The following NRDC variants were observed in gnomAD, a reference collection of about 807,000 sequenced individuals.
NRDC encodes nardilysin.
Under a neutral mutation model 147.1 loss-of-function variants are expected in NRDC, and 54 were observed. The ratio of observed to expected loss-of-function variants is 0.37; its 90% CI spans 0.29 to 0.46. NRDC has a LOEUF of 0.46. Ranked by LOEUF, NRDC falls within the 20% of genes least tolerant of loss-of-function variation. The pLI is 1.00. For missense variants in NRDC, 1,082 were observed against 1,370.6 expected, an observed-to-expected ratio of 0.79 and a Z score of 3.33; for synonymous variants, 440 against 482.1, an observed-to-expected ratio of 0.91 and a Z score of 1.14.
chr1:51,808,047 G>A lies in NRDC; in HGVS notation c.1991-1134C>T, dbSNP rs570659551. Among the ~76,000 whole-genome samples, 202 of 152,122 alleles carry A rather than the reference G, an allele frequency of 1.3e-3. 2 individuals are homozygous for A. The South Asian group carries it at 0.04, about 30-fold the overall frequency. On this transcript the variant is annotated intron_variant, in intron 17 of 30. Coordinates refer to ENST00000352171, the MANE Select transcript of NRDC (RefSeq NM_001101662.2). The stretch of plus-strand genomic sequence containing the variant: ...TCTCAAACTCCTGACCTCAGGTGAT[G>A]TGCCTGCCTTGGCCTCCCAAAGTGC...
At chr1:51,859,476 G>C (rs979429458) in intron 1 of NRDC, among the ~76,000 whole-genome samples, 1 of 152,256 alleles carries the variant, frequency 6.6e-6, no homozygotes, top group Non-Finnish European at 1.5e-5. Flanking sequence ...CTGCAAGGCA[G>C]AATCAAGCCC....
At position 51,789,250 on chromosome 1, in the gene NRDC, T is replaced by G; in HGVS notation, c.3442A>C (p.Lys1148Gln). The change falls in exon 31 of 31, where the codon AAA becomes CAA. Residue 1148 changes from lysine (K) to glutamine (Q), a missense_variant. Lys to Gln is a moderately conservative substitution (Grantham distance 53). Transcript: ENST00000352171. ...CTGCAGTTTATTTATTTGACTATTT[T>G]ATGGTAGGGGAGAAGGTTGAGTGTT... ...TTTLNLLPYH[K>Q]IVK The G allele has an allele frequency of 6.2e-7, 1 of 1,614,072 alleles. No individual in the cohort carries two copies. Among genetic ancestry groups the G allele is most frequent in the Non-Finnish European group, 8.5e-7 (1 of 1,179,914 alleles).
chr1:51,833,918 G>A, intron 4 of NRDC, 99 bp downstream of exon 4: 7 of 1,072,708 alleles, frequency 6.5e-6, no homozygotes, highest in East Asian at 2.5e-5. Context: ...ACTGGTCCAA[G>A]TAAAGTATTG....
rs190728093 is a variant in NRDC at position 51,820,309 on chromosome 1, T to G, written c.1218-436A>C. ...TGTGGTATTTAAAAGACTTGGTCCC[T>G]CCTAGGGGCTTCTACTCTGGTTGAA... On this transcript the variant is annotated intron_variant, in intron 8 of 30. Coordinates refer to ENST00000352171, the MANE Select transcript of NRDC (RefSeq NM_001101662.2). 2.0e-3 allele frequency among the ~76,000 whole-genome samples: 300 copies of G among 152,286 alleles called. 1 individual carries two copies. Among genetic ancestry groups the G allele is most frequent in the Admixed American group, 4.8e-3 (74 of 15,306 alleles).
chr1:51,875,084 T>C (rs764144374), intron 1 of NRDC, among the ~76,000 whole-genome samples: 5 of 152,216 alleles, frequency 3.3e-5, no homozygotes, highest in Non-Finnish European at 5.9e-5. Context: ...CTCAGCAGAA[T>C]CTGGAAGGAT....
chr1:51,839,144 C>G (rs1010765903), intron 2 of NRDC, among the ~76,000 whole-genome samples: 1 of 148,408 alleles, frequency 6.7e-6, no homozygotes, highest in African/African-American at 2.5e-5. Context: ...TAAGGGTGAC[C>G]ACTTTTTTTC....
At chr1:51,798,164 C>A in intron 22 of NRDC, 85 bp downstream of exon 22, 1 of 1,388,282 alleles carries the variant, frequency 7.2e-7, no homozygotes, top group Non-Finnish European at 1.0e-6. Context: ...GCCAAAACTA[C>A]AGCTTCCCCT....
chr1:51,811,917 G>A, intron 15 of NRDC, 77 bp downstream of exon 15: 2 of 937,288 alleles, frequency 2.1e-6, no homozygotes, highest in South Asian at 1.6e-5. Flanking sequence ...CGTTCCCATG[G>A]TTCTTAAATA....
chr1:51,793,162 A>G (rs1432973710), intron 24 of NRDC, among the ~76,000 whole-genome samples: 14 of 152,222 alleles, frequency 9.2e-5, no homozygotes, highest in Admixed American at 9.2e-4. Flanking sequence ...ATGCTCTCTG[A>G]GAAAGGATAT....
At chr1:51,867,463 G>T (rs564690555) in intron 1 of NRDC, among the ~76,000 whole-genome samples, 1 of 152,132 alleles carries the variant, frequency 6.6e-6, no homozygotes, top group African/African-American at 2.4e-5. Flanking sequence ...TTTTATACAG[G>T]CTGATATTTA....
intron 1 of NRDC, among the ~76,000 whole-genome samples, chr1:51,865,755 A>T (rs1459485744): frequency 1.3e-5 from 2 of 152,218 alleles, no homozygotes; most frequent in Admixed American, 6.5e-5. Context: ...AATTTTTTTT[A>T]AAACCTAACA....
intron 16 of NRDC, among the ~76,000 whole-genome samples, chr1:51,810,037 C>A (rs1679642098): frequency 6.6e-6 from 1 of 152,156 alleles, no homozygotes; most frequent in Non-Finnish European, 1.5e-5. Context: ...AAGCATTCTT[C>A]TAAAACTAAG....
intron 14 of NRDC, 123 bp from the exon 15 acceptor site, chr1:51,812,221 A>G (rs576379072): frequency 6.3e-6 from 4 of 638,332 alleles, no homozygotes; most frequent in Middle Eastern, 3.8e-4. Flanking sequence ...GAACAGATAC[A>G]ACGAGATATA....
chr1:51,825,517 T>C (rs1234431729), intron 5 of NRDC, 135 bp from the exon 6 acceptor site: 2 of 691,828 alleles, frequency 2.9e-6, no homozygotes, highest in Non-Finnish European at 4.8e-6. Context: ...AAGACTGAAG[T>C]GGGAAACTCA....
At position 51,806,871 on chromosome 1, in the gene NRDC, T is replaced by C; in HGVS notation, c.2033A>G (p.Glu678Gly). The part of the protein sequence containing the change: ...TLKAFDCPET[E>G]YPVKIVNTPQ... The stretch of plus-strand genomic sequence containing the variant: ...AGTATTCACAATTTTAACTGGGTAT[T>C]CTGTTTCCGGGCAATCGAAAGCCTT... The change falls in exon 18 of 31, where the codon GAA becomes GGA. Residue 678 changes from glutamate to glycine, a missense_variant. Physicochemically the swap from Glu to Gly is moderately conservative, Grantham distance 98 (BLOSUM62 -2). This residue lies in a region of NRDC where 635 missense variants were observed against 923.8 expected (regional missense o/e 0.69). Coordinates refer to ENST00000352171, the MANE Select transcript of NRDC (RefSeq NM_001101662.2). 30 of 1,614,080 alleles carry C rather than the reference T, an allele frequency of 1.9e-5. No homozygotes were observed. Among genetic ancestry groups the C allele is most frequent in the Non-Finnish European group, 2.5e-5 (30 of 1,179,930 alleles).
intron 17 of NRDC, 49 bp from the exon 18 acceptor site, chr1:51,806,962 C>T: frequency 2.5e-6 from 4 of 1,590,056 alleles, no homozygotes; most frequent in Non-Finnish European, 3.4e-6. Context: ...CAGCAGGAGC[C>T]CCAGTAATCT....
At chr1:51,840,119 AC>A in intron 2 of NRDC, 106 bp downstream of exon 2, 1 of 861,104 alleles carries the variant, frequency 1.2e-6, no homozygotes, top group Non-Finnish European at 1.8e-6. Flanking sequence ...TTTACTGAAG[AC>A]CAAAAGATAA....
intron 1 of NRDC, among the ~76,000 whole-genome samples, chr1:51,848,113 C>T (rs897713376): frequency 6.6e-6 from 1 of 152,128 alleles, no homozygotes; most frequent in Non-Finnish European, 1.5e-5. Flanking sequence ...TGTCCTTTAT[C>T]GTCACTACTA....
intron 9 of NRDC, among the ~76,000 whole-genome samples, chr1:51,819,246 T>A (rs192843957): frequency 6.9e-4 from 103 of 150,350 alleles, no homozygotes; most frequent in African/African-American, 2.3e-3. Flanking sequence ...AGCAGTGAGC[T>A]GAGATCATGC....
Sources: gnomAD v4.1 joint callset for allele counts (sites outside exome capture counted in the v4.1 genomes callset) on GRCh38, gnomAD v4.1.1 for gene constraint, gnomAD v4.1.1 regional missense constraint, MANE v1.5 for transcripts, NCBI Gene and HGNC (gene_info 2026-07-23, HGNC 2026-07-21) for gene names.